The following QTMAN variants were observed in gnomAD, a reference collection of about 807,000 sequenced individuals.
QTMAN encodes the protein tRNA-queuosine alpha-mannosyltransferase.
the QTMAN span, among the ~76,000 whole-genome samples, chr2:144,128,927 A>AC: frequency 0.039 from 5,942 of 151,388 alleles, 167 homozygotes; most frequent in East Asian, 0.084. Flanking sequence ...GAGTTCACTC[A>AC]CCCCCCACCC....
the QTMAN span, chr2:143,946,748 C>T: frequency 1.3e-3 from 434 of 336,666 alleles, 1 homozygote; most frequent in Admixed American, 3.2e-3. Flanking sequence ...TACATGAGTG[C>T]GGTTATACAA....
At chr2:143,996,889 G>A in the QTMAN span, among the ~76,000 whole-genome samples, 84 of 152,196 alleles carry the variant, frequency 5.5e-4, no homozygotes, top group East Asian at 0.015. Flanking sequence ...AGTCTCTGGG[G>A]TCAATCAATT....
At chr2:144,179,926 A>C in the QTMAN span, among the ~76,000 whole-genome samples, 3 of 152,164 alleles carry the variant, frequency 2.0e-5, no homozygotes, top group Non-Finnish European at 4.4e-5. Flanking sequence ...GAATAATGTC[A>C]TATGGAATTT....
the QTMAN span, among the ~76,000 whole-genome samples, chr2:144,284,504 A>G: frequency 6.6e-6 from 1 of 152,148 alleles, no homozygotes; most frequent in Non-Finnish European, 1.5e-5. Flanking sequence ...GGAAAATGAC[A>G]AAACATTAAC....
At chr2:144,297,568 G>C in the QTMAN span, among the ~76,000 whole-genome samples, 1 of 149,884 alleles carries the variant, frequency 6.7e-6, no homozygotes, top group Non-Finnish European at 1.5e-5. Flanking sequence ...TTTGGGAGCA[G>C]GATTCCGTCT....
chr2:143,967,042 GAA>G, the QTMAN span, among the ~76,000 whole-genome samples: 27 of 152,204 alleles, frequency 1.8e-4, no homozygotes, highest in African/African-American at 6.3e-4. Flanking sequence ...GCTTGTATGT[GAA>G]AGAGAAATGC....
chr2:144,246,598 A>AAAAAAAAG, the QTMAN span, among the ~76,000 whole-genome samples: 3 of 149,074 alleles, frequency 2.0e-5, no homozygotes, highest in African/African-American at 7.6e-5. Context: ...AAAAAAAAAA[A>AAAAAAAAG]AAAAGAAAAG....
At chr2:144,029,737 T>C in the QTMAN span, among the ~76,000 whole-genome samples, 34 of 152,252 alleles carry the variant, frequency 2.2e-4, no homozygotes, top group African/African-American at 8.2e-4. Context: ...AAGATTGCTT[T>C]CCTTTTTTTT....
At chr2:144,058,621 T>C in the QTMAN span, among the ~76,000 whole-genome samples, 1 of 152,220 alleles carries the variant, frequency 6.6e-6, no homozygotes, top group Non-Finnish European at 1.5e-5. Context: ...AAAATCTTTA[T>C]CTTTAGATCT....
At chr2:143,992,086 T>C in the QTMAN span, among the ~76,000 whole-genome samples, 1 of 152,140 alleles carries the variant, frequency 6.6e-6, no homozygotes, top group Non-Finnish European at 1.5e-5. Context: ...TTTTGTGGAA[T>C]AGAAAGCGGG....
the QTMAN span, among the ~76,000 whole-genome samples, chr2:144,308,210 G>C: frequency 7.5e-6 from 1 of 133,054 alleles, no homozygotes; most frequent in Non-Finnish European, 1.5e-5. Context: ...ACTGTCACCT[G>C]GGCTGGAGTG....
At chr2:144,082,742 G>A in the QTMAN span, among the ~76,000 whole-genome samples, 1 of 152,276 alleles carries the variant, frequency 6.6e-6, no homozygotes, top group Non-Finnish European at 1.5e-5. Flanking sequence ...TGGCAGAGTA[G>A]GGAACTGAAC....
chr2:143,956,445 CTA>C, the QTMAN span, among the ~76,000 whole-genome samples: 2 of 151,640 alleles, frequency 1.3e-5, no homozygotes, highest in African/African-American at 4.8e-5. Flanking sequence ...ATATTATATG[CTA>C]TATATATATT....
chr2:144,200,049 T>G, the QTMAN span, among the ~76,000 whole-genome samples: 1 of 152,180 alleles, frequency 6.6e-6, no homozygotes, highest in Non-Finnish European at 1.5e-5. Context: ...AATATTTTAT[T>G]AAAGATCAGT....
the QTMAN span, among the ~76,000 whole-genome samples, chr2:144,090,732 G>A: frequency 6.6e-6 from 1 of 151,938 alleles, no homozygotes; most frequent in Non-Finnish European, 1.5e-5. Flanking sequence ...TATATTCATG[G>A]ATCAGAAGAT....
the QTMAN span, among the ~76,000 whole-genome samples, chr2:144,133,412 TATATATAATATATATA>T: frequency 5.7e-5 from 3 of 52,290 alleles, no homozygotes; most frequent in African/African-American, 2.1e-4. Flanking sequence ...TATAATATAT[TATATATAATATATATA>T]ATATATAATA....
chr2:144,173,790 C>T, the QTMAN span, among the ~76,000 whole-genome samples: 2 of 152,152 alleles, frequency 1.3e-5, no homozygotes, highest in Non-Finnish European at 2.9e-5. Flanking sequence ...TGTGGCAAAT[C>T]CTTCATGAAT....
chr2:144,085,564 T>G, the QTMAN span, among the ~76,000 whole-genome samples: 2 of 152,206 alleles, frequency 1.3e-5, no homozygotes, highest in Non-Finnish European at 2.9e-5. Flanking sequence ...GCTTATAATC[T>G]TGTTATGTAA....
At chr2:144,137,723 AAGAG>A in the QTMAN span, among the ~76,000 whole-genome samples, 1 of 151,600 alleles carries the variant, frequency 6.6e-6, no homozygotes, top group Non-Finnish European at 1.5e-5. Context: ...GAGAGAGAGA[AAGAG>A]AGAGAGAGAG....
Sources: allele counts gnomAD v4.1 joint callset (sites outside exome capture counted in the v4.1 genomes callset), GRCh38; gene constraint gnomAD v4.1.1; transcripts MANE v1.5; gene names NCBI Gene and HGNC (gene_info 2026-07-23, HGNC 2026-07-21).